SLC12A8: variants seen among roughly 807,000 people sequenced by gnomAD.
SLC12A8 encodes solute carrier family 12 member 8.
Under a neutral mutation model 75.6 loss-of-function variants are expected in SLC12A8, and 69 were observed. The ratio of observed to expected loss-of-function variants is 0.91; its 90% confidence interval spans 0.75 to 1.11. The LOEUF (loss-of-function observed/expected upper bound fraction) is 1.11. Ranked by LOEUF, SLC12A8 falls within the 50% of genes most tolerant of loss-of-function variation. The probability of loss-of-function intolerance (pLI) is 0.00; values close to 1 mark genes in which losing one functional copy is unlikely to be tolerated. For missense variants in SLC12A8, 877 were observed against 896.7 expected (o/e 0.98, Z 0.28); for synonymous variants, 365 against 372.8 (o/e 0.98, Z 0.24).
intron 13 of SLC12A8, 32 bp downstream of exon 13, chr3:125,088,278 C>G: frequency 1.2e-6 from 2 of 1,610,274 alleles, no homozygotes; most frequent in Non-Finnish European, 8.5e-7. Context: ...GACACTCATC[C>G]ATTCTGGTAC....
chr3:125,199,391 T>C (rs556099814), intron 2 of SLC12A8, among the ~76,000 whole-genome samples: 3 of 152,164 alleles, frequency 2.0e-5, no homozygotes, highest in Non-Finnish European at 2.9e-5. Flanking sequence ...AATAAATAAA[T>C]AGGTTGCAAA....
At chr3:125,095,634 A>G (rs550438415) in intron 10 of SLC12A8, among the ~76,000 whole-genome samples, 2 of 152,352 alleles carry the variant, frequency 1.3e-5, no homozygotes, top group South Asian at 4.1e-4. Flanking sequence ...CTTTAAGAGA[A>G]TGTGTGCCTC....
At chr3:125,159,023 G>A (rs1165067946) in intron 5 of SLC12A8, among the ~76,000 whole-genome samples, 1 of 152,172 alleles carries the variant, frequency 6.6e-6, no homozygotes, top group Non-Finnish European at 1.5e-5. Flanking sequence ...ATCTAGGACT[G>A]TAAAGTTTGC....
intron 8 of SLC12A8, among the ~76,000 whole-genome samples, chr3:125,118,052 C>T (rs1647033477): frequency 6.6e-6 from 1 of 152,270 alleles, no homozygotes; most frequent in Non-Finnish European, 1.5e-5. Flanking sequence ...CAGCCTCCTT[C>T]TCCACTTGCC....
At chr3:125,190,323 C>A in intron 3 of SLC12A8, 52 bp downstream of exon 3, 1 of 1,599,932 alleles carries the variant, frequency 6.3e-7, no homozygotes, top group Admixed American at 1.7e-5. Flanking sequence ...AGTGGCAGAG[C>A]TTTCCTGTCT....
intron 9 of SLC12A8, among the ~76,000 whole-genome samples, chr3:125,108,897 C>A (rs1212637480): frequency 6.6e-6 from 1 of 152,184 alleles, no homozygotes; most frequent in African/African-American, 2.4e-5. Context: ...AATACTCACA[C>A]ACACACATTA....
At chr3:125,177,005 G>A (rs1224305704) in intron 5 of SLC12A8, among the ~76,000 whole-genome samples, 2 of 151,770 alleles carry the variant, frequency 1.3e-5, no homozygotes, top group African/African-American at 4.8e-5. Flanking sequence ...AAATCATGCT[G>A]CTATAAAGAC....
intron 10 of SLC12A8, among the ~76,000 whole-genome samples, chr3:125,104,496 T>A (rs1429121117): frequency 1.9e-5 from 2 of 105,662 alleles, no homozygotes; most frequent in Admixed American, 2.1e-4. Flanking sequence ...AAATAGATGA[T>A]GTTCAAATTA....
intron 5 of SLC12A8, among the ~76,000 whole-genome samples, chr3:125,137,110 A>T (rs1194521924): frequency 6.6e-6 from 1 of 152,172 alleles, no homozygotes; most frequent in Non-Finnish European, 1.5e-5. Flanking sequence ...ACCCGCTCGG[A>T]GCTTAATTAC....
rs1188199711 is a variant in SLC12A8 at position 125,211,311 on chromosome 3, C to T, written c.39G>A (p.Glu13=). Residue 13 remains glutamate (E), a synonymous_variant, in exon 2 of 14, where the codon GAG becomes GAA. Coordinates refer to ENST00000469902, the MANE Select transcript of SLC12A8 (RefSeq NM_024628.6). Reference sequence around the variant, plus strand: ...ATCCTGAGCCTACCTGCTGGGCTGCCTCATGGAAGAGCTCCTGCACCTGGG... The same window carrying T: ...ATCCTGAGCCTACCTGCTGGGCTGCTTCATGGAAGAGCTCCTGCACCTGGG... ...QMSQVQELFH[E]AAQQDALAQP... is the part of the protein sequence containing the mutation. 1 of 1,613,816 alleles carries T rather than the reference C, an allele frequency of 6.2e-7. No individual in the cohort carries two copies. The highest frequency in any genetic ancestry group is 1.3e-5 in the African/African-American group (1 of 75,040).
chr3:125,156,328 C>A (rs75178698), intron 5 of SLC12A8, among the ~76,000 whole-genome samples: 212 of 152,334 alleles, frequency 1.4e-3, no homozygotes, highest in African/African-American at 5.0e-3. Context: ...ATGGTGCCGG[C>A]TGCTTCGTCT....
At chr3:125,191,663 A>G (rs1222983458) in intron 2 of SLC12A8, among the ~76,000 whole-genome samples, 1 of 152,218 alleles carries the variant, frequency 6.6e-6, no homozygotes, top group African/African-American at 2.4e-5. Flanking sequence ...GCTGAGAACA[A>G]TGGGTGCGCC....
intron 10 of SLC12A8, among the ~76,000 whole-genome samples, chr3:125,103,858 T>C (rs1287552321): frequency 1.3e-5 from 2 of 152,086 alleles, no homozygotes; most frequent in Non-Finnish European, 2.9e-5. Flanking sequence ...GGTCTTGAAC[T>C]CCTGGGCTCA....
chr3:125,120,662 C>T lies in SLC12A8; in HGVS notation c.761G>A (p.Gly254Glu), dbSNP rs1933032186. ...ATGVMAGFNMGGDLREPAASI... is the reference protein window; with the variant it reads ...ATGVMAGFNMEGDLREPAASI... ...GGCGGCAGGCTCCCTGAGGTCGCCC[C>T]CCATGTTGAAGCCGGCCATGACTCC... Residue 254 changes from glycine to glutamate, a missense_variant, in exon 7 of 14, where the codon GGG becomes GAG. Physicochemically the swap from Gly to Glu is moderately conservative, Grantham distance 98. Coordinates refer to ENST00000469902, the MANE Select transcript of SLC12A8 (RefSeq NM_024628.6). 1.9e-6 allele frequency: 3 copies of T among 1,613,700 alleles called. No individual in the cohort carries two copies. Among genetic ancestry groups the T allele is most frequent in the Non-Finnish European group, 2.5e-6 (3 of 1,179,926 alleles).
At chr3:125,168,091 G>T (rs1398230971) in intron 5 of SLC12A8, among the ~76,000 whole-genome samples, 1 of 152,252 alleles carries the variant, frequency 6.6e-6, no homozygotes, top group Non-Finnish European at 1.5e-5. Context: ...CCAAAGGGAA[G>T]ATCCTCAAGG....
intron 13 of SLC12A8, among the ~76,000 whole-genome samples, chr3:125,084,368 C>A (rs1387116343): frequency 6.6e-6 from 1 of 151,850 alleles, no homozygotes; most frequent in Admixed American, 6.6e-5. Context: ...CATGTTGGGG[C>A]TCTGTAGCTT....
At position 125,092,206 on chromosome 3, in the gene SLC12A8, A is replaced by G. The variant is rs1360041077; in HGVS notation, c.1706-8T>C. On this transcript the variant is annotated splice_polypyrimidine_tract_variant and splice_region_variant and intron_variant, in intron 10 of 13. Coordinates refer to ENST00000469902, the MANE Select transcript of SLC12A8 (RefSeq NM_024628.6). ...TGGACTTCAGGAAGAAATCTAAAAA[A>G]TAGCCAAAGATTTGGCTGCCAAATT... is the stretch of plus-strand genomic sequence containing the variant. The G allele has an allele frequency of 1.2e-6, 2 of 1,605,940 alleles. No individual in the cohort carries two copies. Among genetic ancestry groups the G allele is most frequent in the South Asian group, 1.1e-5 (1 of 90,760 alleles).
intron 5 of SLC12A8, among the ~76,000 whole-genome samples, chr3:125,176,982 C>A (rs889376817): frequency 1.1e-4 from 17 of 151,784 alleles, no homozygotes; most frequent in African/African-American, 3.9e-4. Context: ...TGGGTATATA[C>A]CCAAAGGATT....
intron 5 of SLC12A8, among the ~76,000 whole-genome samples, chr3:125,168,928 C>T (rs529130510): frequency 6.6e-6 from 1 of 152,288 alleles, no homozygotes; most frequent in African/African-American, 2.4e-5. Context: ...CCAACTGATC[C>T]ACCTCCCACA....
Sources: allele counts gnomAD v4.1 joint callset (sites outside exome capture counted in the v4.1 genomes callset), GRCh38; gene constraint gnomAD v4.1.1; transcripts MANE v1.5; gene names NCBI Gene and HGNC (gene_info 2026-07-23, HGNC 2026-07-21).